Variants in NLRC5 observed in about 807,000 individuals in gnomAD.
NLRC5 encodes protein NLRC5.
In NLRC5, 114 loss-of-function variants were observed where a neutral mutation model predicts 206.9. The observed-to-expected ratio is 0.55, with a 90% CI of 0.47 to 0.64. NLRC5 has a LOEUF of 0.64. Among genes scored for constraint, NLRC5 ranks in the 30% least tolerant of loss-of-function variants. NLRC5 has a pLI of 0.00. For synonymous variants in NLRC5, 952 were observed against 962.8 expected (o/e 0.99, Z 0.21); for missense variants, 2,008 against 2,305.5 (o/e 0.87, Z 2.64).
intron 39 of NLRC5, among the ~76,000 whole-genome samples, chr16:57,076,245 A>C (rs1343558115): frequency 2.0e-5 from 3 of 152,242 alleles, no homozygotes; most frequent in African/African-American, 7.2e-5. Flanking sequence ...AAATAAAAGA[A>C]AGTAAAAACA....
rs1402020105 is a variant in NLRC5 at position 57,055,444 on chromosome 16, G to T, written c.3671G>T (p.Gly1224Val). Reference protein sequence around the residue: ...EEGVCCGRFTGCSLSQEHVES... With the variant: ...EEGVCCGRFTVCSLSQEHVES... ...TTACCTCCGTCCAGCAGGTTCACAGGCTGCAGCCTCAGCCAGGAGCACGTA... is the reference window on the plus strand; with the variant it reads ...TTACCTCCGTCCAGCAGGTTCACAGTCTGCAGCCTCAGCCAGGAGCACGTA... Residue 1224 changes from glycine (G) to valine (V), a missense_variant, in exon 27 of 49, where the codon GGC (glycine) becomes GTC (valine). Physicochemically the swap from Gly to Val is moderately radical, Grantham distance 109. Transcript: ENST00000688547. 1.9e-6 allele frequency: 3 copies of T among 1,613,950 alleles called. No individual in the cohort carries two copies. Among genetic ancestry groups the T allele is most frequent in the Non-Finnish European group, 2.5e-6 (3 of 1,179,936 alleles).
At chr16:56,997,569 A>T (rs2057762229) in intron 1 of NLRC5, among the ~76,000 whole-genome samples, 1 of 152,026 alleles carries the variant, frequency 6.6e-6, no homozygotes, top group Non-Finnish European at 1.5e-5. Flanking sequence ...TTTTTCAAAA[A>T]TTATGTTCTT....
rs372899539 is a variant in NLRC5, at chr16:57,062,904, C to G, written c.4154+1203C>G. Among the ~76,000 whole-genome samples, 81 of 152,220 alleles carry G rather than the reference C, an allele frequency of 5.3e-4. 2 individuals carry two copies. The South Asian group carries it at 0.017, about 32-fold the overall frequency. On this transcript the variant is annotated intron_variant, in intron 32 of 48. Transcript: ENST00000688547. ...ATCTCTATCCCCATTAAACAACACC[C>G]CATTTCCCCCCTACCCCAGCCCCTG...
At chr16:57,046,214 G>C (rs1418101752) in intron 21 of NLRC5, among the ~76,000 whole-genome samples, 1 of 152,214 alleles carries the variant, frequency 6.6e-6, no homozygotes, top group Non-Finnish European at 1.5e-5. Flanking sequence ...CGTACAGGGA[G>C]GCAGAAGTCA....
intron 27 of NLRC5, among the ~76,000 whole-genome samples, chr16:57,057,816 G>A (rs1336982622): frequency 6.6e-6 from 1 of 152,082 alleles, no homozygotes; most frequent in Non-Finnish European, 1.5e-5. Context: ...TGGTGGTACT[G>A]GGCTTGGTGG....
intron 1 of NLRC5, among the ~76,000 whole-genome samples, chr16:56,994,727 A>G (rs1403587098): frequency 2.0e-5 from 3 of 152,106 alleles, no homozygotes; most frequent in Admixed American, 2.0e-4. Context: ...GTCAGAGGGG[A>G]TGGCAAGAAA....
intron 39 of NLRC5, among the ~76,000 whole-genome samples, chr16:57,075,695 T>C (rs2068312919): frequency 6.6e-6 from 1 of 152,144 alleles, no homozygotes; most frequent in Non-Finnish European, 1.5e-5. Flanking sequence ...AATGTGATTT[T>C]TCAAAACATG....
At chr16:57,081,480 T>C (rs1022423209) in intron 47 of NLRC5, 47 bp from the exon 48 acceptor site, 83 of 1,573,682 alleles carry the variant, frequency 5.3e-5, no homozygotes, top group Non-Finnish European at 6.9e-5. Flanking sequence ...ACACCCATTC[T>C]CATGGCCGTG....
chr16:57,008,758 C>CT, intron 1 of NLRC5, among the ~76,000 whole-genome samples: 1 of 152,128 alleles, frequency 6.6e-6, no homozygotes, highest in South Asian at 2.1e-4. Context: ...CTAGCAATGG[C>CT]TTAAGCAATA....
intron 28 of NLRC5, chr16:57,058,640 T>G (rs910537661): frequency 2.4e-5 from 9 of 375,612 alleles, no homozygotes; most frequent in Non-Finnish European, 4.5e-5. Context: ...AGGACACCAC[T>G]TGTTGCTAGG....
rs1385020969 is a variant in NLRC5 at position 57,029,992 on chromosome 16, C to T, written c.2328-3C>T. ...TCCTGACACCTTTGCCACAATCTTG[C>T]AGCCTGAGCAGCAACAGCATCTGCG... is the stretch of plus-strand genomic sequence containing the variant. On this transcript the variant is annotated splice_polypyrimidine_tract_variant and splice_region_variant and intron_variant, in intron 9 of 48. Coordinates refer to ENST00000688547, the MANE Select transcript of NLRC5 (RefSeq NM_001384950.1). The T allele has an allele frequency of 6.2e-7, 1 of 1,614,148 alleles. No individual in the cohort carries two copies. Among genetic ancestry groups the T allele is most frequent in the South Asian group, 1.1e-5 (1 of 91,086 alleles).
chr16:57,025,297 T>C, intron 5 of NLRC5, 71 bp from the exon 6 acceptor site: 4 of 1,498,196 alleles, frequency 2.7e-6, no homozygotes, highest in Non-Finnish European at 3.5e-6. Flanking sequence ...AACAGCCCAA[T>C]ACTGGGGCAA....
intron 10 of NLRC5, among the ~76,000 whole-genome samples, chr16:57,030,466 GAAAA>G (rs754752089): frequency 0.02 from 1,407 of 68,920 alleles, 5 homozygotes; most frequent in Middle Eastern, 0.062. Flanking sequence ...ATGGATGGAT[GAAAA>G]GATGGATGGG....
intron 1 of NLRC5, among the ~76,000 whole-genome samples, chr16:56,998,546 C>A (rs1180983162): frequency 2.0e-5 from 3 of 152,160 alleles, no homozygotes; most frequent in African/African-American, 7.2e-5. Context: ...CCCAGAGAGG[C>A]TATGTAACTG....
intron 20 of NLRC5, among the ~76,000 whole-genome samples, chr16:57,044,393 G>A (rs1429987735): frequency 6.6e-6 from 1 of 152,078 alleles, no homozygotes; most frequent in African/African-American, 2.4e-5. Flanking sequence ...GAGCTGATGA[G>A]AATATAAAAG....
chr16:57,074,631 T>C lies in NLRC5; in HGVS notation c.4699T>C (p.Leu1567=). ...LSHLLLNSST[L]ALLTHRLSQM... Reference sequence around the variant, plus strand: ...TCACCTTCTGCTGAACAGCTCCACCTTGGCCTTGCTTACTCACAGACTAAG... The same window carrying C: ...TCACCTTCTGCTGAACAGCTCCACCCTGGCCTTGCTTACTCACAGACTAAG... The change falls in exon 39 of 49, where the codon TTG becomes CTG. Residue 1567 remains leucine (L), a synonymous_variant. Coordinates refer to ENST00000688547, the MANE Select transcript of NLRC5 (RefSeq NM_001384950.1). 17 of 1,613,936 alleles carry C rather than the reference T, an allele frequency of 1.1e-5. No individual in the cohort carries two copies. Among genetic ancestry groups the C allele is most frequent in the Non-Finnish European group, 1.4e-5 (17 of 1,179,854 alleles).
chr16:57,022,156 C>T, intron 3 of NLRC5, 100 bp from the exon 4 acceptor site: 1 of 893,772 alleles, frequency 1.1e-6, no homozygotes, highest in Non-Finnish European at 1.7e-6. Context: ...TGCTGGGTAT[C>T]TCCCTGTGAG....
At chr16:57,046,427 G>A (rs2063981854) in intron 21 of NLRC5, 125 bp from the exon 22 acceptor site, 2 of 705,008 alleles carry the variant, frequency 2.8e-6, no homozygotes, top group South Asian at 1.8e-5. Flanking sequence ...TTCCAAGTCT[G>A]GGAGTCCAAT....
At chr16:57,063,106 C>CTTTTT (rs34897333) in intron 32 of NLRC5, among the ~76,000 whole-genome samples, 24 of 95,068 alleles carry the variant, frequency 2.5e-4, no homozygotes, top group East Asian at 6.8e-4. Flanking sequence ...ACTTTCCTTC[C>CTTTTT]TTTTTTTTTT....
Sources: gnomAD v4.1 joint callset for allele counts (sites outside exome capture counted in the v4.1 genomes callset) on GRCh38, gnomAD v4.1.1 for gene constraint, MANE v1.5 for transcripts, NCBI Gene and HGNC (gene_info 2026-07-23, HGNC 2026-07-21) for gene names.